Variants in DCP1A observed in about 807,000 individuals in gnomAD.
The protein encoded by DCP1A is decapping mRNA 1A, also known as mRNA-decapping enzyme 1A.
Under a neutral mutation model 58.0 loss-of-function variants are expected in DCP1A, and 20 were observed. The ratio of observed to expected loss-of-function variants is 0.34; its 90% CI spans 0.24 to 0.50. The LOEUF is 0.50. DCP1A is among the 20% of genes least tolerant of loss of function. The pLI is 0.98. For synonymous variants in DCP1A, 285 were observed against 275.1 expected (o/e 1.04, Z -0.36); for missense variants, 613 against 712.2 (o/e 0.86, Z 1.59).
chr3:53,313,643 G>A (rs1477199078), intron 4 of DCP1A, among the ~76,000 whole-genome samples: 1 of 151,312 alleles, frequency 6.6e-6, no homozygotes, highest in Non-Finnish European at 1.5e-5. Flanking sequence ...GATTCATTCA[G>A]GCCAGGCACA....
At chr3:53,332,040 G>A (rs1449581216) in intron 3 of DCP1A, among the ~76,000 whole-genome samples, 1 of 152,200 alleles carries the variant, frequency 6.6e-6, no homozygotes, top group Non-Finnish European at 1.5e-5. Flanking sequence ...TGTATAATAG[G>A]GAGGTATGCT....
chr3:53,341,842 T>A (rs2089210523), intron 3 of DCP1A, among the ~76,000 whole-genome samples: 1 of 152,018 alleles, frequency 6.6e-6, no homozygotes, highest in South Asian at 2.1e-4. Flanking sequence ...CCGGCTAATT[T>A]TTTTCTGTAT....
intron 4 of DCP1A, among the ~76,000 whole-genome samples, chr3:53,315,465 G>A (rs964830615): frequency 6.7e-6 from 1 of 150,050 alleles, no homozygotes; most frequent in Non-Finnish European, 1.5e-5. Context: ...TTGAACCCAG[G>A]AGGGCGGAGG....
intron 2 of DCP1A, among the ~76,000 whole-genome samples, chr3:53,342,628 C>A (rs143254095): frequency 3.4e-4 from 52 of 152,306 alleles, no homozygotes; most frequent in African/African-American, 1.1e-3. Context: ...ACCTAAAAAC[C>A]TCTTCCTGGA....
In DCP1A at chr3:53,292,746, C is replaced by A. The variant is rs1281362565; in HGVS notation, c.706G>T (p.Gly236Cys). 6.2e-7 allele frequency: 1 copy of A among 1,613,670 alleles called. No individual in the cohort carries two copies. The highest frequency in any genetic ancestry group is 8.5e-7 in the Non-Finnish European group (1 of 1,179,894). The change falls in exon 7 of 10, where the codon GGT (glycine) becomes TGT (cysteine). Residue 236 changes from glycine to cysteine, a missense_variant. Physicochemically the swap from Gly to Cys is radical, Grantham distance 159. This residue lies in a region of DCP1A where 498 missense variants were observed against 556.7 expected (regional missense o/e 0.89). Transcript: ENST00000610213. ...SLPKEQPAVV[G>C]LDSEEMERLP... is the part of the protein sequence containing the mutation. Reference sequence around the variant, plus strand: ...CTCTCCATTTCTTCTGAATCCAGACCCACAACTGCTGGTTGTTCCTTTGGC... The same window carrying A: ...CTCTCCATTTCTTCTGAATCCAGACACACAACTGCTGGTTGTTCCTTTGGC...
chr3:53,290,686 A>C, intron 8 of DCP1A, 105 bp downstream of exon 8: 1 of 922,174 alleles, frequency 1.1e-6, no homozygotes, highest in Non-Finnish European at 1.7e-6. Context: ...GTTCACAGCC[A>C]GTTACAGACC....
rs1301753157 is a variant in DCP1A at position 53,342,706 on chromosome 3, A to C, written c.177-435T>G. Among the ~76,000 whole-genome samples, 4 of 152,322 alleles carry C rather than the reference A, an allele frequency of 2.6e-5. No individual in the cohort carries two copies. The East Asian group carries it at 7.7e-4, about 29-fold the overall frequency. On this transcript the variant is annotated intron_variant, in intron 2 of 9. Coordinates refer to ENST00000610213, the MANE Select transcript of DCP1A (RefSeq NM_018403.7). ...CCTTTGTTCAGATGTCACCTTTTTC[A>C]TGAGGCCTACTTGAACTATCCTTTT... is the stretch of plus-strand genomic sequence containing the variant.
chr3:53,305,585 G>A (rs1274261994), intron 5 of DCP1A, among the ~76,000 whole-genome samples: 1 of 151,914 alleles, frequency 6.6e-6, no homozygotes, highest in Non-Finnish European at 1.5e-5. Context: ...CCTGACTTCA[G>A]GTGATTCACC....
rs376753632 is a variant in DCP1A, at chr3:53,292,408, C to T, written c.1044G>A (p.Thr348=). 117 of 1,613,600 alleles carry T rather than the reference C, an allele frequency of 7.3e-5. No homozygotes were observed. Among genetic ancestry groups the T allele is most frequent in the Non-Finnish European group, 9.3e-5 (110 of 1,179,760 alleles). Residue 348 remains threonine (T), a synonymous_variant, in exon 7 of 10, where the codon ACG becomes ACA. Coordinates refer to ENST00000610213, the MANE Select transcript of DCP1A (RefSeq NM_018403.7). ...TCAGGAGTGGAGACCTCTGTCTAGGCGTGGTCTTCACTGCCTGCATCATGG... is the reference window on the plus strand; with the variant it reads ...TCAGGAGTGGAGACCTCTGTCTAGGTGTGGTCTTCACTGCCTGCATCATGG... ...NSTMMQAVKT[T]PRQRSPLLNQ... is the part of the protein sequence containing the mutation.
intron 6 of DCP1A, among the ~76,000 whole-genome samples, chr3:53,298,476 T>C (rs1433980831): frequency 6.6e-6 from 1 of 152,192 alleles, no homozygotes; most frequent in Admixed American, 6.5e-5. Flanking sequence ...ACAGAATGCT[T>C]ACTATGTGGG....
intron 3 of DCP1A, among the ~76,000 whole-genome samples, chr3:53,335,661 G>T (rs2089100530): frequency 6.6e-6 from 1 of 151,874 alleles, no homozygotes; most frequent in East Asian, 1.9e-4. Context: ...GATACATTCT[G>T]GATTTCCTCA....
chr3:53,316,967 T>G (rs1310183920), intron 4 of DCP1A, among the ~76,000 whole-genome samples: 2 of 152,188 alleles, frequency 1.3e-5, no homozygotes, highest in Non-Finnish European at 2.9e-5. Flanking sequence ...GCATTAGGGG[T>G]AACACTTGCC....
At chr3:53,332,168 T>C (rs1039927358) in intron 3 of DCP1A, among the ~76,000 whole-genome samples, 3 of 152,174 alleles carry the variant, frequency 2.0e-5, no homozygotes, top group Non-Finnish European at 2.9e-5. Flanking sequence ...ATGAACCCCA[T>C]AGCTACCTTT....
intron 3 of DCP1A, among the ~76,000 whole-genome samples, chr3:53,336,765 C>T (rs1409436448): frequency 1.3e-5 from 2 of 152,114 alleles, no homozygotes; most frequent in Non-Finnish European, 2.9e-5. Flanking sequence ...ATGAATGGTA[C>T]AACTTGAACC....
rs1706954847 is a variant in DCP1A, at chr3:53,292,675, T to C, written c.777A>G (p.Pro259=). The part of the protein sequence containing the change: ...ASQKEPNSFL[P]FPFEQLGGAP... ...CTCCTCCTAACTGCTCAAAGGGAAA[T>C]GGTAGGAATGAATTGGGCTCTTTCT... is the stretch of plus-strand genomic sequence containing the variant. The change falls in exon 7 of 10, where the codon CCA becomes CCG. Residue 259 remains proline (P), a synonymous_variant. Coordinates refer to ENST00000610213, the MANE Select transcript of DCP1A (RefSeq NM_018403.7). The C allele has an allele frequency of 6.2e-7, 1 of 1,613,470 alleles. No individual in the cohort carries two copies. Among genetic ancestry groups the C allele is most frequent in the African/African-American group, 1.3e-5 (1 of 74,848 alleles).
chr3:53,314,300 T>C (rs1233317348), intron 4 of DCP1A, among the ~76,000 whole-genome samples: 1 of 152,228 alleles, frequency 6.6e-6, no homozygotes, highest in Non-Finnish European at 1.5e-5. Context: ...TGAGGTAGAA[T>C]TCCTGTTTGG....
chr3:53,291,064 T>A (rs1706849362), intron 7 of DCP1A, among the ~76,000 whole-genome samples: 1 of 152,146 alleles, frequency 6.6e-6, no homozygotes, highest in Non-Finnish European at 1.5e-5. Context: ...GCACTAGAGC[T>A]CTGCGACAGC....
intron 4 of DCP1A, among the ~76,000 whole-genome samples, chr3:53,315,707 G>A (rs1278435051): frequency 1.5e-5 from 2 of 129,038 alleles, no homozygotes; most frequent in South Asian, 2.4e-4. Context: ...ATAGTTTCTC[G>A]TTTTTATAAA....
rs151139212 is a variant in DCP1A, at chr3:53,341,419, A to G, written c.304+725T>C. ...GCATGAGCCTAGATCACACCACTGC[A>G]CTCCAGCCTGGGCAACAGAGCAAGA... On this transcript the variant is annotated intron_variant, in intron 3 of 9. Coordinates refer to ENST00000610213, the MANE Select transcript of DCP1A (RefSeq NM_018403.7). Among the ~76,000 whole-genome samples the G allele has an allele frequency of 0.013, 2,028 of 152,222 alleles. 117 individuals are homozygous for G. The South Asian group carries it at 0.14, about 11-fold the overall frequency.
Sources: gnomAD v4.1 joint callset for allele counts (sites outside exome capture counted in the v4.1 genomes callset) on GRCh38, gnomAD v4.1.1 for gene constraint, gnomAD v4.1.1 regional missense constraint, MANE v1.5 for transcripts, NCBI Gene and HGNC (gene_info 2026-07-23, HGNC 2026-07-21) for gene names.